Variants in DRC11 observed in about 807,000 individuals in gnomAD.
The protein encoded by DRC11 is IQ and AAA domain-containing protein 1.
chr2:236,353,398 T>C, the DRC11 span, among the ~76,000 whole-genome samples: 1 of 152,184 alleles, frequency 6.6e-6, no homozygotes, highest in Non-Finnish European at 1.5e-5. This position sits in a 1 kb window ranked among gnomAD's most constrained non-coding sequence, Gnocchi z 5.0. Flanking sequence ...GGGCTTGATC[T>C]TTTGTATTTT....
chr2:236,347,508 C>CCATATATATATATATATATATA, the DRC11 span, among the ~76,000 whole-genome samples: 43 of 107,520 alleles, frequency 4.0e-4, 1 homozygote, highest in Middle Eastern at 4.8e-3. Flanking sequence ...AAAAACTGTG[C>CCATATATATATATATATATATA]TATATATATA....
chr2:236,445,145 C>T, the DRC11 span, among the ~76,000 whole-genome samples: 1 of 152,190 alleles, frequency 6.6e-6, no homozygotes, highest in East Asian at 1.9e-4. This position sits in a 1 kb window ranked among gnomAD's most constrained non-coding sequence, Gnocchi z 4.8. Context: ...ATTTTATTTT[C>T]GTATTGTAAA....
chr2:236,368,318 CAG>C, the DRC11 span: 1 of 1,464,148 alleles, frequency 6.8e-7, no homozygotes, highest in Non-Finnish European at 9.5e-7. Flanking sequence ...AGAAAAGAAA[CAG>C]AGGAACAATA....
the DRC11 span, among the ~76,000 whole-genome samples, chr2:236,448,481 G>A: frequency 3.9e-5 from 6 of 152,054 alleles, no homozygotes; most frequent in African/African-American, 7.2e-5. This position sits in a 1 kb window ranked among gnomAD's most constrained non-coding sequence, Gnocchi z 5.3. Context: ...GACTACAGGC[G>A]CACATCACCA....
chr2:236,493,132 T>C, the DRC11 span, among the ~76,000 whole-genome samples: 3,289 of 152,230 alleles, frequency 0.022, 38 homozygotes, highest in South Asian at 0.032. Flanking sequence ...GCACATCTCA[T>C]ATGGCGGCAG....
At chr2:236,435,837 T>C in the DRC11 span, among the ~76,000 whole-genome samples, 1 of 152,228 alleles carries the variant, frequency 6.6e-6, no homozygotes, top group Non-Finnish European at 1.5e-5. Context: ...CTAAAATATT[T>C]ACTGTTTGTC....
the DRC11 span, among the ~76,000 whole-genome samples, chr2:236,314,025 G>A: frequency 6.6e-6 from 1 of 152,114 alleles, no homozygotes; most frequent in Non-Finnish European, 1.5e-5. The surrounding 1 kb of genome is among the most constrained non-coding windows in gnomAD (Gnocchi z 4.5). Context: ...CTGAAAAGAT[G>A]ATAAAACTTA....
chr2:236,459,595 GTATACATATATACGTATATAAGTA>G, the DRC11 span, among the ~76,000 whole-genome samples: 1 of 108,834 alleles, frequency 9.2e-6, no homozygotes, highest in African/African-American at 3.4e-5. Flanking sequence ...ATACGTATAC[GTATACATATATACGTATATAAGTA>G]TATACATACG....
chr2:236,311,697 CGT>C, the DRC11 span, among the ~76,000 whole-genome samples: 16,938 of 138,242 alleles, frequency 0.12, 976 homozygotes, highest in Non-Finnish European at 0.15. This position sits in a 1 kb window ranked among gnomAD's most constrained non-coding sequence, Gnocchi z 6.9. Context: ...GGATGGGGTG[CGT>C]GTGTGTGTGT....
At chr2:236,505,140 G>A in the DRC11 span, among the ~76,000 whole-genome samples, 2 of 152,220 alleles carry the variant, frequency 1.3e-5, no homozygotes, top group Non-Finnish European at 1.5e-5. Flanking sequence ...ATGACTTAGA[G>A]ATATGACAGA....
the DRC11 span, among the ~76,000 whole-genome samples, chr2:236,378,720 G>C: frequency 2.6e-5 from 4 of 150,956 alleles, no homozygotes; most frequent in Non-Finnish European, 4.4e-5. Flanking sequence ...CACAGTGTGT[G>C]AGCATGGGCT....
At chr2:236,345,649 G>A in the DRC11 span, among the ~76,000 whole-genome samples, 1 of 152,100 alleles carries the variant, frequency 6.6e-6, no homozygotes, top group Admixed American at 6.5e-5. Flanking sequence ...AGGGCCTCGC[G>A]ACAGAGCTGG....
At chr2:236,427,693 A>G in the DRC11 span, among the ~76,000 whole-genome samples, 2 of 151,870 alleles carry the variant, frequency 1.3e-5, no homozygotes, top group Non-Finnish European at 2.9e-5. This position sits in a 1 kb window ranked among gnomAD's most constrained non-coding sequence, Gnocchi z 5.9. Context: ...ACCAACTCTT[A>G]GTTTACTTTT....
the DRC11 span, among the ~76,000 whole-genome samples, chr2:236,463,411 T>C: frequency 1.3e-5 from 2 of 152,180 alleles, no homozygotes; most frequent in Non-Finnish European, 2.9e-5. The surrounding 1 kb of genome is among the most constrained non-coding windows in gnomAD (Gnocchi z 5.0). Flanking sequence ...TCATTCAAAA[T>C]ATCCCATTTT....
At chr2:236,311,238 C>T in the DRC11 span, among the ~76,000 whole-genome samples, 1 of 152,214 alleles carries the variant, frequency 6.6e-6, no homozygotes, top group Non-Finnish European at 1.5e-5. This position sits in a 1 kb window ranked among gnomAD's most constrained non-coding sequence, Gnocchi z 6.9. Flanking sequence ...TACACTCGAG[C>T]CTGGCCAGCA....
At chr2:236,439,190 C>G in the DRC11 span, among the ~76,000 whole-genome samples, 1 of 151,090 alleles carries the variant, frequency 6.6e-6, no homozygotes, top group Non-Finnish European at 1.5e-5. Context: ...CATTCAAAAG[C>G]TAGCAGAAGG....
At chr2:236,408,269 C>G in the DRC11 span, 1 of 857,220 alleles carries the variant, frequency 1.2e-6, no homozygotes, top group African/African-American at 1.7e-5. The surrounding 1 kb of genome is among the most constrained non-coding windows in gnomAD (Gnocchi z 5.5). Context: ...TTCTGCCCAG[C>G]ACGTGCCACA....
chr2:236,314,144 C>T, the DRC11 span, among the ~76,000 whole-genome samples: 1 of 152,054 alleles, frequency 6.6e-6, no homozygotes, highest in African/African-American at 2.4e-5. This position sits in a 1 kb window ranked among gnomAD's most constrained non-coding sequence, Gnocchi z 4.5. Context: ...CAAAATGTTA[C>T]CATTGGGGGA....
At chr2:236,455,238 A>C in the DRC11 span, 3 of 152,408 alleles carry the variant, frequency 2.0e-5, no homozygotes, top group South Asian at 6.2e-4. This position sits in a 1 kb window ranked among gnomAD's most constrained non-coding sequence, Gnocchi z 5.7. Flanking sequence ...GAGGAGACCT[A>C]CTTGGTGTTG....
Sources: allele counts gnomAD v4.1 joint callset (sites outside exome capture counted in the v4.1 genomes callset), GRCh38; gene constraint gnomAD v4.1.1; non-coding constraint Gnocchi (gnomAD v3.1); transcripts MANE v1.5; gene names NCBI Gene and HGNC (gene_info 2026-07-23, HGNC 2026-07-21).